SLC34A2: variants seen among roughly 807,000 people sequenced by gnomAD.
The protein encoded by SLC34A2 is sodium-dependent phosphate transport protein 2B.
Under a neutral mutation model 50.8 loss-of-function variants are expected in SLC34A2, and 41 were observed. The ratio of observed to expected loss-of-function variants is 0.81; its 90% CI spans 0.63 to 1.05. The LOEUF (loss-of-function observed/expected upper bound fraction) is 1.05. Among genes scored for constraint, SLC34A2 ranks in the 50% least tolerant of loss-of-function variants. SLC34A2 has a pLI of 0.00. For synonymous variants in SLC34A2, 401 were observed against 364.2 expected (o/e 1.10, Z -1.15); for missense variants, 879 against 876.7 (o/e 1.00, Z -0.03).
Position 25,673,269 on chromosome 4 carries a change from C to T in SLC34A2, c.1216+15C>T, listed in dbSNP as rs373422795. 1.3e-6 allele frequency: 2 copies of T among 1,482,742 alleles called. No homozygotes were observed. Among genetic ancestry groups the T allele is most frequent in the South Asian group, 1.2e-5 (1 of 86,746 alleles). The allele number at this position is 1,482,742 out of a possible 1,614,324, so 91.8% of individuals were successfully genotyped here. A position where few individuals can be genotyped will look rare whatever the true frequency, so the allele number is the denominator to read the frequency against. ...CATCAACACTGGTAGGTACACTGCC[C>T]TCACTTGTAGGCCTCACATGTAGTC... On this transcript the variant is annotated intron_variant, in intron 10 of 12. Transcript: ENST00000382051.
intron 8 of SLC34A2, 81 bp downstream of exon 8, chr4:25,670,914 G>T: frequency 1.7e-6 from 2 of 1,168,362 alleles, no homozygotes; most frequent in Non-Finnish European, 2.5e-6. Flanking sequence ...TTCAAGGAAG[G>T]TAAATAGAAA....
At chr4:25,659,979 A>G (rs1714094212) in intron 1 of SLC34A2, among the ~76,000 whole-genome samples, 1 of 152,218 alleles carries the variant, frequency 6.6e-6, no homozygotes, top group Non-Finnish European at 1.5e-5. Context: ...TATCTAAAGC[A>G]TTTCCCTATG....
intron 3 of SLC34A2, 47 bp downstream of exon 3, chr4:25,662,889 G>A: frequency 6.2e-7 from 1 of 1,607,092 alleles, no homozygotes; most frequent in East Asian, 2.2e-5. Context: ...ACTTCCTGTG[G>A]TTCACGGTGT....
chr4:25,676,052 C>T lies in SLC34A2; in HGVS notation c.1459-83C>T, dbSNP rs1715089851. 5 of 1,575,416 alleles carry T rather than the reference C, an allele frequency of 3.2e-6. No homozygotes were observed. The Admixed American group carries it at 9.2e-5, about 29-fold the overall frequency. On this transcript the variant is annotated intron_variant, in intron 12 of 12. Coordinates refer to ENST00000382051, the MANE Select transcript of SLC34A2 (RefSeq NM_006424.3). ...GAGACTGTGCTGCCTGTGATGCCTG[C>T]TAGCTTACCTCCCCCTCCTCCTCCC...
chr4:25,675,108 T>C (rs548745805), intron 12 of SLC34A2, among the ~76,000 whole-genome samples: 3 of 152,366 alleles, frequency 2.0e-5, no homozygotes, highest in South Asian at 4.1e-4. Flanking sequence ...CTCCACTCAC[T>C]GCAACCTCCA....
At chr4:25,661,363 C>G (rs920817083) in intron 1 of SLC34A2, among the ~76,000 whole-genome samples, 2 of 152,244 alleles carry the variant, frequency 1.3e-5, no homozygotes, top group South Asian at 2.1e-4. Context: ...AGGTAAAACA[C>G]GCAGAAGGTA....
chr4:25,664,099 G>C (rs1403330161), intron 3 of SLC34A2, 103 bp from the exon 4 acceptor site: 1 of 1,107,452 alleles, frequency 9.0e-7, no homozygotes, highest in Non-Finnish European at 1.4e-6. Flanking sequence ...GGGAAGGGAG[G>C]GGAGGTCGGG....
At chr4:25,660,901 C>T (rs552568958) in intron 1 of SLC34A2, among the ~76,000 whole-genome samples, 2 of 152,238 alleles carry the variant, frequency 1.3e-5, no homozygotes, top group Admixed American at 6.5e-5. Context: ...CTGTGAATTG[C>T]CTTTCTCCAA....
chr4:25,668,934 A>G (rs1041884612), intron 6 of SLC34A2, among the ~76,000 whole-genome samples: 10 of 144,382 alleles, frequency 6.9e-5, no homozygotes, highest in African/African-American at 1.8e-4. Flanking sequence ...AAGCTGTTTC[A>G]TTGAAGACAT....
intron 1 of SLC34A2, among the ~76,000 whole-genome samples, chr4:25,661,299 C>T (rs958480977): frequency 4.6e-5 from 7 of 152,174 alleles, no homozygotes; most frequent in African/African-American, 1.7e-4. Flanking sequence ...ATAGGTGGCA[C>T]TGCTGGATTT....
rs746063666 is a variant in SLC34A2, at chr4:25,676,747, T to C, written c.2071T>C (p.Ter691GlnextTer37). ...SDSKTECTAL[*>Q] ...CTCAAAGACCGAATGCACGGCCTTG[T>C]AGGGGACGCCCCAGATTGTCAGGGA... Residue 691 changes from the stop codon to glutamine (Q), a stop_lost, in exon 13 of 13, where the codon TAG (stop) becomes CAG (glutamine). Transcript: ENST00000382051. 1.9e-6 allele frequency: 3 copies of C among 1,614,154 alleles called. No individual in the cohort carries two copies. Among genetic ancestry groups the C allele is most frequent in the East Asian group, 2.2e-5 (1 of 44,872 alleles).
In SLC34A2 at chr4:25,676,776, G is replaced by T. The variant is rs187836902; in HGVS notation, c.*27G>T. On this transcript the variant is annotated 3_prime_UTR_variant, in exon 13 of 13. Coordinates refer to ENST00000382051, the MANE Select transcript of SLC34A2 (RefSeq NM_006424.3). ...GGACGCCCCAGATTGTCAGGGATGG[G>T]GGGATGGTCCTTGAGTTTTGCATGC... 26,961 of 1,613,776 alleles carry T rather than the reference G, an allele frequency of 0.017. 335 individuals carry two copies. Among genetic ancestry groups the T allele is most frequent in the South Asian group, 0.038 (3,483 of 91,028 alleles).
intron 1 of SLC34A2, among the ~76,000 whole-genome samples, chr4:25,660,734 G>A (rs899376720): frequency 3.3e-5 from 5 of 152,052 alleles, no homozygotes; most frequent in Non-Finnish European, 7.4e-5. Context: ...TAGTAGAGAC[G>A]GGGTTTCACC....
At chr4:25,665,410 G>C (rs919797149) in intron 4 of SLC34A2, among the ~76,000 whole-genome samples, 5 of 151,864 alleles carry the variant, frequency 3.3e-5, no homozygotes, top group Non-Finnish European at 4.4e-5. Flanking sequence ...CAGTTGTTCC[G>C]CCCGTCCTCC....
chr4:25,665,427 C>T (rs180724397), intron 4 of SLC34A2, among the ~76,000 whole-genome samples: 2 of 152,144 alleles, frequency 1.3e-5, no homozygotes, highest in African/African-American at 4.8e-5. Flanking sequence ...CTCCGCCTCC[C>T]GAAGTGCTGG....
chr4:25,666,399 G>T, intron 5 of SLC34A2, 128 bp downstream of exon 5: 1 of 1,048,418 alleles, frequency 9.5e-7, no homozygotes, highest in Non-Finnish European at 1.4e-6. Flanking sequence ...TTGGTATCTT[G>T]CCCCAGCTAC....
At chr4:25,661,500 G>A (rs1243209011) in intron 1 of SLC34A2, among the ~76,000 whole-genome samples, 1 of 152,100 alleles carries the variant, frequency 6.6e-6, no homozygotes, top group East Asian at 1.9e-4. Context: ...CAATTCTCAT[G>A]CCTCAGCCTC....
chr4:25,670,651 G>A (rs1714762097), intron 7 of SLC34A2, 87 bp from the exon 8 acceptor site: 6 of 968,590 alleles, frequency 6.2e-6, no homozygotes, highest in South Asian at 4.1e-5. Context: ...TATCTCCTTA[G>A]AGCCCCTCTC....
At chr4:25,676,060 C>T (rs1715090336) in intron 12 of SLC34A2, 75 bp from the exon 13 acceptor site, 8 of 1,550,486 alleles carry the variant, frequency 5.2e-6, no homozygotes, top group Non-Finnish European at 5.3e-6. Context: ...TGCTAGCTTA[C>T]CTCCCCCTCC....
Sources: allele counts gnomAD v4.1 joint callset (sites outside exome capture counted in the v4.1 genomes callset), GRCh38; gene constraint gnomAD v4.1.1; transcripts MANE v1.5; gene names NCBI Gene and HGNC (gene_info 2026-07-23, HGNC 2026-07-21).